SCAPER: variants seen among roughly 807,000 people sequenced by gnomAD.
SCAPER encodes S-phase cyclin A associated protein in the ER, also known as S phase cyclin A-associated protein in the endoplasmic reticulum.
Under a neutral mutation model 182.2 loss-of-function variants are expected in SCAPER, and 98 were observed. The observed-to-expected ratio is 0.54, with a 90% confidence interval of 0.46 to 0.64. SCAPER has a LOEUF of 0.64. SCAPER is among the 30% of genes least tolerant of loss of function. The pLI, the probability that SCAPER is intolerant of heterozygous loss-of-function variation, is 0.00. For missense variants in SCAPER, 1,432 were observed against 1,690.0 expected (o/e 0.85, Z 2.68); for synonymous variants, 605 against 564.6 (o/e 1.07, Z -1.01).
chr15:76,799,512 C>T (rs991148978), intron 7 of SCAPER, among the ~76,000 whole-genome samples: 11 of 152,094 alleles, frequency 7.2e-5, no homozygotes, highest in African/African-American at 2.7e-4. Context: ...ATCCTCCCAC[C>T]TCGGCTCCCC....
At chr15:76,724,856 T>C (rs934914573) in intron 17 of SCAPER, among the ~76,000 whole-genome samples, 1 of 152,166 alleles carries the variant, frequency 6.6e-6, no homozygotes, top group African/African-American at 2.4e-5. Flanking sequence ...TTTAACTTCT[T>C]TGCCATTGGT....
intron 25 of SCAPER, among the ~76,000 whole-genome samples, chr15:76,440,408 T>G (rs1280186445): frequency 1.3e-5 from 2 of 152,252 alleles, no homozygotes; most frequent in Non-Finnish European, 2.9e-5. Flanking sequence ...GATGCTTTTA[T>G]TAGTAATAGA....
intron 8 of SCAPER, among the ~76,000 whole-genome samples, chr15:76,785,545 A>T (rs577972961): frequency 9.8e-5 from 15 of 152,382 alleles, no homozygotes; most frequent in African/African-American, 3.6e-4. Context: ...CCAAAGGATT[A>T]GAAATCATGC....
intron 21 of SCAPER, among the ~76,000 whole-genome samples, chr15:76,626,051 T>C (rs2052545142): frequency 6.6e-6 from 1 of 152,236 alleles, no homozygotes; most frequent in African/African-American, 2.4e-5. Context: ...CGAATTTGTG[T>C]TGGGCCGCAT....
In SCAPER at chr15:76,767,792, A is replaced by C. The variant is rs1332266591; in HGVS notation, c.1249-704T>G. On this transcript the variant is annotated intron_variant, in intron 10 of 31. Transcript: ENST00000563290. ...TATGTCAATAATTATATTACATGTA[A>C]ATGTTAACATGTAATAGGCAGAGAT... Among the ~76,000 whole-genome samples, 3 of 152,166 alleles carry C rather than the reference A, an allele frequency of 2.0e-5. No individual in the cohort carries two copies. In the South Asian group the frequency reaches 6.2e-4, roughly 31 times the overall value.
chr15:76,861,027 T>C (rs2071820757), intron 3 of SCAPER, among the ~76,000 whole-genome samples: 1 of 152,028 alleles, frequency 6.6e-6, no homozygotes, highest in Non-Finnish European at 1.5e-5. Context: ...AAAATATAAA[T>C]ACATACATAA....
chr15:76,561,961 C>T (rs995305973), intron 23 of SCAPER, among the ~76,000 whole-genome samples: 1 of 151,384 alleles, frequency 6.6e-6, no homozygotes, highest in Non-Finnish European at 1.5e-5. Flanking sequence ...ACCTGGCCAA[C>T]ATGGTGATCC....
At chr15:76,451,284 T>C (rs2048351101) in intron 25 of SCAPER, among the ~76,000 whole-genome samples, 1 of 152,228 alleles carries the variant, frequency 6.6e-6, no homozygotes, top group Non-Finnish European at 1.5e-5. Context: ...ATGTGTGTTA[T>C]TTAGGGATTT....
intron 20 of SCAPER, among the ~76,000 whole-genome samples, chr15:76,684,459 T>C (rs2057912524): frequency 6.6e-6 from 1 of 152,008 alleles, no homozygotes; most frequent in Non-Finnish European, 1.5e-5. Context: ...TACACCACAA[T>C]TATATTCAAC....
At chr15:76,704,840 A>T (rs1382182201) in intron 18 of SCAPER, among the ~76,000 whole-genome samples, 5 of 152,210 alleles carry the variant, frequency 3.3e-5, no homozygotes, top group African/African-American at 4.8e-5. Context: ...TCAAAACCAC[A>T]ATGAGATACC....
intron 24 of SCAPER, among the ~76,000 whole-genome samples, chr15:76,478,837 G>A (rs1179896424): frequency 2.0e-5 from 3 of 151,880 alleles, no homozygotes; most frequent in African/African-American, 7.3e-5. Flanking sequence ...AAAATATTTC[G>A]GGGTATTAAA....
intron 24 of SCAPER, among the ~76,000 whole-genome samples, chr15:76,491,933 G>T (rs1026460592): frequency 9.9e-5 from 15 of 152,136 alleles, no homozygotes; most frequent in Non-Finnish European, 1.8e-4. Flanking sequence ...TGCCTGGCTT[G>T]TTTTGTTTTT....
Position 76,403,904 on chromosome 15 carries a change from G to A in SCAPER, c.3467+620C>T, listed in dbSNP as rs531241323. Among the ~76,000 whole-genome samples, 18 of 152,150 alleles carry A rather than the reference G, an allele frequency of 1.2e-4. No individual in the cohort carries two copies. The South Asian group carries it at 2.9e-3, about 25-fold the overall frequency. ...GAATTATTGTTTTTGAGGACAGTCC[G>A]CAGGGTGGGATGGGGTAGGATGGAG... is the stretch of plus-strand genomic sequence containing the variant. On this transcript the variant is annotated intron_variant, in intron 27 of 31. Coordinates refer to ENST00000563290, the MANE Select transcript of SCAPER (RefSeq NM_020843.4).
rs897715181 is a variant in SCAPER, at chr15:76,767,144, A to C, written c.1249-56T>G. On this transcript the variant is annotated intron_variant, in intron 10 of 31. Transcript: ENST00000563290. ...AAAAATGATCACTTGACTGGAAAGT[A>C]ATCATTTTTTATGTTCTAACATGAA... is the stretch of plus-strand genomic sequence containing the variant. 7.7e-6 allele frequency: 11 copies of C among 1,431,786 alleles called. No individual in the cohort carries two copies. In the African/African-American group the frequency reaches 1.3e-4, roughly 17 times the overall value. The allele number at this position is 1,431,786 out of a possible 1,614,324, so 88.7% of individuals were successfully genotyped here.
chr15:76,445,116 C>A (rs1326018841), intron 25 of SCAPER, among the ~76,000 whole-genome samples: 1 of 152,158 alleles, frequency 6.6e-6, no homozygotes, highest in Non-Finnish European at 1.5e-5. Context: ...TCATCCTTTA[C>A]CCTATTCTCA....
chr15:76,438,648 C>T (rs1163084060), intron 25 of SCAPER, among the ~76,000 whole-genome samples: 1 of 152,134 alleles, frequency 6.6e-6, no homozygotes, highest in Admixed American at 6.5e-5. Flanking sequence ...GGCAAATCTC[C>T]CTTGTCAGGC....
intron 4 of SCAPER, among the ~76,000 whole-genome samples, chr15:76,844,748 A>G (rs574388175): frequency 3.9e-5 from 6 of 152,312 alleles, no homozygotes; most frequent in Admixed American, 3.9e-4. Flanking sequence ...AGAAAAGCTC[A>G]GGCCCTGAAG....
intron 15 of SCAPER, among the ~76,000 whole-genome samples, chr15:76,737,950 T>C (rs2061357240): frequency 6.6e-6 from 1 of 152,220 alleles, no homozygotes; most frequent in Non-Finnish European, 1.5e-5. Flanking sequence ...CTTAACGGAA[T>C]GTTGTGGCTG....
Position 76,539,176 on chromosome 15 carries a change from G to C in SCAPER, c.2839-34202C>G, listed in dbSNP as rs575905802. Among the ~76,000 whole-genome samples, 3 of 152,190 alleles carry C rather than the reference G, an allele frequency of 2.0e-5. No homozygotes were observed. The South Asian group carries it at 6.2e-4, about 32-fold the overall frequency. On this transcript the variant is annotated intron_variant, in intron 23 of 31. Coordinates refer to ENST00000563290, the MANE Select transcript of SCAPER (RefSeq NM_020843.4). Reference sequence around the variant, plus strand: ...AGCAAATTAGCTGTAGAAAAAACAAGTAAAAGGACTAAGGGGAAAATGTAA... The same window carrying C: ...AGCAAATTAGCTGTAGAAAAAACAACTAAAAGGACTAAGGGGAAAATGTAA...
Sources: allele counts gnomAD v4.1 joint callset (sites outside exome capture counted in the v4.1 genomes callset), GRCh38; gene constraint gnomAD v4.1.1; transcripts MANE v1.5; gene names NCBI Gene and HGNC (gene_info 2026-07-23, HGNC 2026-07-21).